TTC28: variants seen among roughly 807,000 people sequenced by gnomAD.
TTC28 encodes the protein tetratricopeptide repeat domain 28, also known as tetratricopeptide repeat protein 28.
Under a neutral mutation model 198.0 loss-of-function variants are expected in TTC28, and 61 were observed. That is an observed-to-expected ratio of 0.31 (90% CI 0.25 to 0.38). The LOEUF is 0.38. Ranked by LOEUF, TTC28 falls within the 10% of genes least tolerant of loss-of-function variation. The pLI, the probability that TTC28 is intolerant of heterozygous loss-of-function variation, is 1.00. For missense variants in TTC28, 2,678 were observed against 3,164.0 expected (o/e 0.85, Z 3.69); for synonymous variants, 1,171 against 1,297.8 (o/e 0.90, Z 2.10).
At chr22:28,016,051 C>A (rs1189876378) in intron 13 of TTC28, among the ~76,000 whole-genome samples, 1 of 152,146 alleles carries the variant, frequency 6.6e-6, no homozygotes, top group Non-Finnish European at 1.5e-5. Context: ...CACCACTTGA[C>A]CTAAATTCTA....
In TTC28 at chr22:28,678,406, G is replaced by A. The variant is rs555037764; in HGVS notation, c.102+1216C>T. Among the ~76,000 whole-genome samples the A allele has an allele frequency of 1.5e-3, 227 of 152,150 alleles. 1 individual carries two copies. Among genetic ancestry groups the A allele is most frequent in the African/African-American group, 5.2e-3 (217 of 41,508 alleles). ...ATTTTTGCGGAGACGAACGAGTCTCGCTATGTTTCCCACACTGGTCTCTAA... is the reference window on the plus strand; with the variant it reads ...ATTTTTGCGGAGACGAACGAGTCTCACTATGTTTCCCACACTGGTCTCTAA... On this transcript the variant is annotated intron_variant, in intron 1 of 22. Transcript: ENST00000397906.
At chr22:28,041,831 A>C (rs1243222723) in intron 12 of TTC28, among the ~76,000 whole-genome samples, 1 of 152,124 alleles carries the variant, frequency 6.6e-6, no homozygotes, top group African/African-American at 2.4e-5. Context: ...TGCAATCTAC[A>C]CATGTGACAA....
intron 6 of TTC28, among the ~76,000 whole-genome samples, chr22:28,136,479 C>T (rs1186687076): frequency 2.0e-5 from 3 of 152,196 alleles, no homozygotes; most frequent in Non-Finnish European, 2.9e-5. Context: ...GCACTTCTCT[C>T]CTCATGGACA....
intron 2 of TTC28, among the ~76,000 whole-genome samples, chr22:28,423,752 C>T (rs2047302255): frequency 6.6e-6 from 1 of 152,112 alleles, no homozygotes; most frequent in Non-Finnish European, 1.5e-5. Context: ...GCACAGCAGG[C>T]AGAAGTTGGA....
chr22:28,634,493 G>A (rs1189272954), intron 1 of TTC28, among the ~76,000 whole-genome samples: 3 of 131,734 alleles, frequency 2.3e-5, no homozygotes, highest in Admixed American at 8.1e-5. Flanking sequence ...GCGACTAAGC[G>A]AGACTCCATC....
At chr22:28,153,508 T>C (rs1943664719) in intron 6 of TTC28, among the ~76,000 whole-genome samples, 2 of 150,456 alleles carry the variant, frequency 1.3e-5, no homozygotes, top group Admixed American at 6.6e-5. Flanking sequence ...CTCAACCTCA[T>C]AGGTTTTGAG....
intron 2 of TTC28, among the ~76,000 whole-genome samples, chr22:28,379,036 CAG>C (rs2046455997): frequency 6.6e-6 from 1 of 151,966 alleles, no homozygotes; most frequent in African/African-American, 2.4e-5. Context: ...ACAGATTTTA[CAG>C]AGAGAAAGCT....
At chr22:28,085,316 G>GGA (rs1273076948) in intron 12 of TTC28, among the ~76,000 whole-genome samples, 3 of 152,162 alleles carry the variant, frequency 2.0e-5, no homozygotes, top group South Asian at 2.1e-4. Flanking sequence ...TGATCTCTCA[G>GGA]CAGAAACTCT....
chr22:28,003,972 G>A (rs895816322), intron 14 of TTC28, among the ~76,000 whole-genome samples: 5 of 152,202 alleles, frequency 3.3e-5, no homozygotes. Context: ...ATAAATTTAG[G>A]ATATGGTCCT....
intron 2 of TTC28, among the ~76,000 whole-genome samples, chr22:28,435,825 A>G (rs765321404): frequency 6.6e-6 from 1 of 152,186 alleles, no homozygotes; most frequent in Non-Finnish European, 1.5e-5. Context: ...AATTTTACAG[A>G]ATCAAAAATA....
chr22:28,052,419 A>G (rs756528871), intron 12 of TTC28, among the ~76,000 whole-genome samples: 15 of 152,160 alleles, frequency 9.9e-5, no homozygotes, highest in Non-Finnish European at 2.2e-4. Context: ...AGATTCAGTC[A>G]CTTGCCCCAG....
chr22:28,388,594 T>C (rs2046657630), intron 2 of TTC28, among the ~76,000 whole-genome samples: 1 of 152,196 alleles, frequency 6.6e-6, no homozygotes, highest in Non-Finnish European at 1.5e-5. Context: ...GGTATTTTAT[T>C]CTCTTTGAAG....
chr22:28,094,060 G>C lies in TTC28; in HGVS notation c.3932+20C>G, dbSNP rs951153155. On this transcript the variant is annotated intron_variant, in intron 12 of 22. Coordinates refer to ENST00000397906, the MANE Select transcript of TTC28 (RefSeq NM_001145418.2). Reference sequence around the variant, plus strand: ...CTGAGATTTATCTGAAAATGGACTTGGGGATGTTTTACTACCTACCTTGAG... The same window carrying C: ...CTGAGATTTATCTGAAAATGGACTTCGGGATGTTTTACTACCTACCTTGAG... 6.6e-7 allele frequency: 1 copy of C among 1,506,124 alleles called. No individual in the cohort carries two copies. The highest frequency in any genetic ancestry group is 8.9e-7 in the Non-Finnish European group (1 of 1,127,304). 93.3% of individuals were successfully genotyped at this position (1,506,124 alleles called of 1,614,324 possible).
chr22:28,076,913 C>G (rs1276883517), intron 12 of TTC28, among the ~76,000 whole-genome samples: 1 of 152,154 alleles, frequency 6.6e-6, no homozygotes, highest in East Asian at 1.9e-4. Flanking sequence ...AGCAATCACT[C>G]CCTGGTTGTC....
At chr22:28,197,712 A>G (rs1432183411) in intron 5 of TTC28, among the ~76,000 whole-genome samples, 1 of 152,152 alleles carries the variant, frequency 6.6e-6, no homozygotes, top group East Asian at 1.9e-4. Flanking sequence ...ACTGGGAGCA[A>G]GAACAGAAAA....
chr22:28,610,507 T>C (rs946654439), intron 2 of TTC28, among the ~76,000 whole-genome samples: 12 of 152,054 alleles, frequency 7.9e-5, no homozygotes, highest in African/African-American at 2.9e-4. Flanking sequence ...GCCTGACTGT[T>C]AGAAGGAAAA....
chr22:28,345,626 ACACT>A (rs1333926525), intron 2 of TTC28, among the ~76,000 whole-genome samples: 3 of 152,202 alleles, frequency 2.0e-5, no homozygotes, highest in African/African-American at 7.2e-5. Flanking sequence ...CATCACAAAA[ACACT>A]GATGCTCTGG....
rs778551138 is a variant in TTC28, at chr22:27,983,368, T to C, written c.6299A>G (p.Lys2100Arg). ...AGAATTTGGAGTGCTGATGCTCCCT[T>C]TGGAGCTCACCGAGACTCTCATGCC... is the stretch of plus-strand genomic sequence containing the variant. The part of the protein sequence containing the change: ...AGGMRVSVSS[K>R]GSISTPNSPV... The change falls in exon 23 of 23, where the codon AAA (lysine) becomes AGA (arginine). Residue 2100 changes from lysine to arginine, a missense_variant. Lys to Arg is a conservative substitution (Grantham distance 26, BLOSUM62 2). This residue lies in a region of TTC28 where 622 missense variants were observed against 656.0 expected (regional missense o/e 0.95). Transcript: ENST00000397906. 41 of 1,551,342 alleles carry C rather than the reference T, an allele frequency of 2.6e-5. No homozygotes were observed. The South Asian group carries it at 4.6e-4, about 18-fold the overall frequency.
chr22:28,579,845 C>G (rs927750675), intron 2 of TTC28, among the ~76,000 whole-genome samples: 3 of 151,992 alleles, frequency 2.0e-5, no homozygotes, highest in African/African-American at 7.3e-5. Flanking sequence ...TGGCACACAC[C>G]TGTAGTCCCA....
Sources: allele counts gnomAD v4.1 joint callset (sites outside exome capture counted in the v4.1 genomes callset), GRCh38; gene constraint gnomAD v4.1.1; regional missense constraint gnomAD v4.1.1; transcripts MANE v1.5; gene names NCBI Gene and HGNC (gene_info 2026-07-23, HGNC 2026-07-21).